Variants in SNTG2 observed in about 807,000 individuals in gnomAD.
SNTG2 encodes gamma-2-syntrophin.
SNTG2 carries 74 observed loss-of-function variants against 70.9 expected under a neutral mutation model. That is an observed-to-expected ratio of 1.04 (90% confidence interval 0.86 to 1.27). The LOEUF is 1.27. Ranked by LOEUF, SNTG2 falls within the 50% of genes most tolerant of loss-of-function variation. SNTG2 has a pLI of 0.00. For missense variants in SNTG2, 717 were observed against 690.7 expected, an observed-to-expected ratio of 1.04 and a Z score of -0.43; for synonymous variants, 278 against 273.8, an observed-to-expected ratio of 1.02 and a Z score of -0.15.
At chr2:1,341,950 ATCC>A (rs1184955696) in intron 16 of SNTG2, among the ~76,000 whole-genome samples, 1 of 150,234 alleles carries the variant, frequency 6.7e-6, no homozygotes. Flanking sequence ...GGCTCAAGCC[ATCC>A]TCCTACCTCA....
intron 1 of SNTG2, among the ~76,000 whole-genome samples, chr2:951,872 T>A (rs1017750112): frequency 6.6e-6 from 1 of 152,022 alleles, no homozygotes; most frequent in Non-Finnish European, 1.5e-5. Context: ...TCCTTTAGGA[T>A]TCCTTCCCCA....
chr2:1,091,624 A>C (rs371352575), intron 2 of SNTG2, among the ~76,000 whole-genome samples: 120 of 152,274 alleles, frequency 7.9e-4, no homozygotes, highest in Middle Eastern at 3.4e-3. Context: ...AGCTTTTGTC[A>C]TTCCTGGCCT....
chr2:1,112,559 A>G (rs1298458294), intron 4 of SNTG2, among the ~76,000 whole-genome samples: 1 of 151,634 alleles, frequency 6.6e-6, no homozygotes, highest in Non-Finnish European at 1.5e-5. Flanking sequence ...GTACTAAGTG[A>G]GGTGTAACCC....
At chr2:1,248,576 C>T (rs1479291202) in intron 12 of SNTG2, among the ~76,000 whole-genome samples, 1 of 152,224 alleles carries the variant, frequency 6.6e-6, no homozygotes, top group African/African-American at 2.4e-5. Context: ...TAACCATGTT[C>T]TTTAACATTT....
intron 13 of SNTG2, among the ~76,000 whole-genome samples, chr2:1,260,593 CTG>C (rs1231801774): frequency 6.6e-6 from 1 of 152,160 alleles, no homozygotes; most frequent in East Asian, 1.9e-4. Context: ...AAAACATTAA[CTG>C]TGGTTTTCTC....
intron 4 of SNTG2, among the ~76,000 whole-genome samples, chr2:1,099,660 AGGTGGGTGT>A (rs1470161409): frequency 2.1e-4 from 32 of 152,282 alleles, no homozygotes; most frequent in African/African-American, 6.0e-4. Flanking sequence ...GGTCATCTGA[AGGTGGGTGT>A]GGTGAGGGCA....
intron 2 of SNTG2, among the ~76,000 whole-genome samples, chr2:1,093,111 C>T (rs768416131): frequency 2.6e-5 from 4 of 151,878 alleles, no homozygotes; most frequent in Non-Finnish European, 4.4e-5. Context: ...GTGAGGAGGC[C>T]GTGATTATGG....
At chr2:1,053,362 T>C (rs926357169) in intron 1 of SNTG2, among the ~76,000 whole-genome samples, 1 of 152,196 alleles carries the variant, frequency 6.6e-6, no homozygotes, top group Non-Finnish European at 1.5e-5. Flanking sequence ...CAATTTTACA[T>C]TACTGAAAAC....
At position 1,173,183 on chromosome 2, in the gene SNTG2, A is replaced by C. The variant is rs1671243156; in HGVS notation, c.591A>C (p.Thr197=). The C allele has an allele frequency of 1.9e-6, 3 of 1,613,404 alleles. No homozygotes were observed. The African/African-American group carries it at 4.0e-5, about 21-fold the overall frequency. The change falls in exon 8 of 17, where the codon ACA becomes ACC. Residue 197 remains threonine, a splice_region_variant and synonymous_variant. Transcript: ENST00000308624. ...ATCTGAACGGAAACTCCAGTACCAC[A>C]GTAAGCATATAGATTTTTGTTAAAT... is the stretch of plus-strand genomic sequence containing the variant. ...GLHLNGNSST[T]APSSPSSPIA... is the part of the protein sequence containing the mutation.
At chr2:1,092,172 TG>T (rs1665070044) in intron 2 of SNTG2, among the ~76,000 whole-genome samples, 1 of 152,192 alleles carries the variant, frequency 6.6e-6, no homozygotes, top group South Asian at 2.1e-4. Context: ...CATGTGTGGG[TG>T]TGAAATAGAA....
chr2:1,020,570 T>G (rs1336827922), intron 1 of SNTG2, among the ~76,000 whole-genome samples: 5 of 53,868 alleles, frequency 9.3e-5, no homozygotes, highest in Non-Finnish European at 1.6e-4. Context: ...TAGGAATTTT[T>G]TTTTTAAAAA....
intron 1 of SNTG2, among the ~76,000 whole-genome samples, chr2:970,311 A>G (rs1355747241): frequency 1.3e-5 from 2 of 151,948 alleles, no homozygotes. Context: ...GTACATGTGC[A>G]CAATGTGCAG....
rs552222278 is a variant in SNTG2, at chr2:1,104,191, C to G, written c.325+5781C>G. ...TGGGTCATCGTCCGGTGCTGCCCCTCTTTCAAACGTTTGTAAAGAACCAGT... is the reference window on the plus strand; with the variant it reads ...TGGGTCATCGTCCGGTGCTGCCCCTGTTTCAAACGTTTGTAAAGAACCAGT... On this transcript the variant is annotated intron_variant, in intron 4 of 16. Coordinates refer to ENST00000308624, the MANE Select transcript of SNTG2 (RefSeq NM_018968.4). 2.0e-5 allele frequency among the ~76,000 whole-genome samples: 3 copies of G among 152,320 alleles called. No individual in the cohort carries two copies. The East Asian group carries it at 5.8e-4, about 29-fold the overall frequency.
intron 1 of SNTG2, among the ~76,000 whole-genome samples, chr2:992,277 G>GA (rs913011690): frequency 6.6e-6 from 1 of 151,490 alleles, no homozygotes; most frequent in African/African-American, 2.4e-5. Context: ...ATTATGCTAA[G>GA]AAAAAAAGAC....
chr2:1,090,064 G>A (rs1360709886), intron 2 of SNTG2, among the ~76,000 whole-genome samples: 4 of 152,138 alleles, frequency 2.6e-5, no homozygotes, highest in Middle Eastern at 3.4e-3. Flanking sequence ...CATATTTTTT[G>A]TGTGTTTTTC....
chr2:991,406 C>CACACACACACAA (rs1238273034), intron 1 of SNTG2, among the ~76,000 whole-genome samples: 3 of 151,310 alleles, frequency 2.0e-5, no homozygotes, highest in African/African-American at 7.3e-5. Flanking sequence ...CACACACACA[C>CACACACACACAA]AATTATGACT....
rs533292348 is a variant in SNTG2 at position 1,268,174 on chromosome 2, GGATGTGTGCTGCAGGAAT to G, written c.1284+606_1284+623del. Among the ~76,000 whole-genome samples, 9 of 152,314 alleles carry G rather than the reference GGATGTGTGCTGCAGGAAT, an allele frequency of 5.9e-5. No homozygotes were observed. In the East Asian group the frequency reaches 1.7e-3, roughly 29 times the overall value. ...AAATAGCGGGATGATCCTTCAGGGA[GGATGTGTGCTGCAGGAAT>G]GAAGAGTGACAGGAGATAAATGAGG... On this transcript the variant is annotated intron_variant, in intron 14 of 16. Coordinates refer to ENST00000308624, the MANE Select transcript of SNTG2 (RefSeq NM_018968.4).
chr2:1,172,783 G>A (rs997333953), intron 7 of SNTG2, among the ~76,000 whole-genome samples: 7 of 152,156 alleles, frequency 4.6e-5, no homozygotes, highest in African/African-American at 1.7e-4. Context: ...CCATTCCAGG[G>A]GGTCATGTTG....
chr2:1,207,530 G>A (rs1673715124), intron 8 of SNTG2, among the ~76,000 whole-genome samples: 2 of 152,180 alleles, frequency 1.3e-5, no homozygotes, highest in African/African-American at 2.4e-5. Flanking sequence ...TGAGGGAGAG[G>A]CCTTTCATCT....
Sources: gnomAD v4.1 joint callset for allele counts (sites outside exome capture counted in the v4.1 genomes callset) on GRCh38, gnomAD v4.1.1 for gene constraint, MANE v1.5 for transcripts, NCBI Gene and HGNC (gene_info 2026-07-23, HGNC 2026-07-21) for gene names.